FRMD4A: variants seen among roughly 807,000 people sequenced by gnomAD.
FRMD4A encodes FERM domain containing 4A.
A neutral mutation model predicts 129.1 loss-of-function variants in FRMD4A; 29 were observed. The ratio of observed to expected loss-of-function variants is 0.22; its 90% CI spans 0.17 to 0.31. The LOEUF (loss-of-function observed/expected upper bound fraction) is 0.31, where lower values mean the gene tolerates loss of function less well. Ranked by LOEUF, FRMD4A falls within the 10% of genes least tolerant of loss-of-function variation. FRMD4A has a pLI of 1.00. For missense variants in FRMD4A, 1,272 were observed against 1,375.8 expected, an observed-to-expected ratio of 0.92 and a Z score of 1.19; for synonymous variants, 634 against 571.6, an observed-to-expected ratio of 1.11 and a Z score of -1.56.
chr10:14,171,092 A>T (rs1371346357), intron 2 of FRMD4A, among the ~76,000 whole-genome samples: 1 of 151,542 alleles, frequency 6.6e-6, no homozygotes, highest in Non-Finnish European at 1.5e-5. Flanking sequence ...AGATGGAATT[A>T]TGAAGTTTGG....
chr10:13,760,893 C>A (rs143063499), intron 8 of FRMD4A, among the ~76,000 whole-genome samples: 1 of 143,470 alleles, frequency 7.0e-6, no homozygotes, highest in East Asian at 2.2e-4. Context: ...TTCAGAGGAG[C>A]TTGATCAAAC....
At chr10:14,321,912 A>G (rs1843072589) in intron 2 of FRMD4A, among the ~76,000 whole-genome samples, 1 of 152,050 alleles carries the variant, frequency 6.6e-6, no homozygotes, top group African/African-American at 2.4e-5. Flanking sequence ...GTGAGTTCTC[A>G]TGAGAGCTGG....
At chr10:14,198,469 A>T (rs2131935547) in intron 2 of FRMD4A, among the ~76,000 whole-genome samples, 1 of 152,314 alleles carries the variant, frequency 6.6e-6, no homozygotes, top group East Asian at 1.9e-4. Context: ...GGAAGTGTCC[A>T]GGGGGCCAGG....
intron 2 of FRMD4A, among the ~76,000 whole-genome samples, chr10:13,909,525 A>G (rs936440743): frequency 1.3e-5 from 2 of 152,224 alleles, no homozygotes; most frequent in African/African-American, 4.8e-5. Flanking sequence ...ATAACCACAA[A>G]TGAATTCAAA....
chr10:14,083,199 T>C (rs1836032995), intron 2 of FRMD4A: 1 of 152,210 alleles, frequency 6.6e-6, no homozygotes, highest in Non-Finnish European at 1.5e-5. Context: ...AAGGCCATTG[T>C]AGTGACATTT....
chr10:13,944,263 G>A (rs548306743), intron 2 of FRMD4A, among the ~76,000 whole-genome samples: 2 of 151,612 alleles, frequency 1.3e-5, no homozygotes, highest in Non-Finnish European at 2.9e-5. Flanking sequence ...CAGATTAGCA[G>A]TGGCATTAGA....
At chr10:13,780,380 G>A (rs79364567) in intron 6 of FRMD4A, among the ~76,000 whole-genome samples, 2,862 of 151,778 alleles carry the variant, frequency 0.019, 108 homozygotes, top group South Asian at 0.12. Context: ...GTGATATTCC[G>A]CAAGTCCATC....
At chr10:14,310,591 G>A (rs1045146999) in intron 2 of FRMD4A, among the ~76,000 whole-genome samples, 6 of 152,124 alleles carry the variant, frequency 3.9e-5, no homozygotes, top group African/African-American at 7.2e-5. Flanking sequence ...TTGTCACCAC[G>A]TGTACAGTAA....
intron 3 of FRMD4A, among the ~76,000 whole-genome samples, chr10:13,812,530 T>C (rs2093466852): frequency 6.6e-6 from 1 of 152,274 alleles, no homozygotes; most frequent in Non-Finnish European, 1.5e-5. Context: ...GCCCACATGC[T>C]GTAGGAGACA....
At chr10:14,239,544 T>G (rs7900646) in intron 2 of FRMD4A, among the ~76,000 whole-genome samples, 149,415 of 152,264 alleles carry the variant, frequency 0.98, 73,326 homozygotes, top group East Asian at 1. Flanking sequence ...GGAGACTAGG[T>G]TGAACCCGGG....
intron 2 of FRMD4A, among the ~76,000 whole-genome samples, chr10:14,214,568 C>T (rs938639971): frequency 6.6e-6 from 1 of 152,154 alleles, no homozygotes; most frequent in Non-Finnish European, 1.5e-5. Context: ...TCTTGTACAG[C>T]ATTTTTATTT....
Position 13,656,318 on chromosome 10 carries a change from A to G in FRMD4A, c.2953+318T>C, listed in dbSNP as rs181703654. ...CACCTTTGGTTGGATAAACCCAGAGACATTACTTTTACTTTACCTAACTAA... is the reference window on the plus strand; with the variant it reads ...CACCTTTGGTTGGATAAACCCAGAGGCATTACTTTTACTTTACCTAACTAA... On this transcript the variant is annotated intron_variant, in intron 22 of 24. Coordinates refer to ENST00000357447, the MANE Select transcript of FRMD4A (RefSeq NM_018027.5). Among the ~76,000 whole-genome samples the G allele has an allele frequency of 4.4e-4, 67 of 152,286 alleles. No homozygotes were observed. In the South Asian group the frequency reaches 0.011, roughly 25 times the overall value.
At position 13,666,083 on chromosome 10, in the gene FRMD4A, C is replaced by T. The variant is rs780645313; in HGVS notation, c.1603+14G>A. On this transcript the variant is annotated intron_variant, in intron 18 of 24. Transcript: ENST00000357447. ...GCGTGGGAGTGGGGTGGGGGCAGCCCGGTTGGCACTGACCGTCTATGATCA... is the reference window on the plus strand; with the variant it reads ...GCGTGGGAGTGGGGTGGGGGCAGCCTGGTTGGCACTGACCGTCTATGATCA... 29 of 1,537,500 alleles carry T rather than the reference C, an allele frequency of 1.9e-5. No individual in the cohort carries two copies. Among genetic ancestry groups the T allele is most frequent in the East Asian group, 1.6e-4 (7 of 44,544 alleles).
chr10:13,951,409 G>T (rs1326504539), intron 2 of FRMD4A, among the ~76,000 whole-genome samples: 1 of 152,056 alleles, frequency 6.6e-6, no homozygotes, highest in Non-Finnish European at 1.5e-5. Flanking sequence ...AAGTTTGAAT[G>T]CAGACTCAAA....
At chr10:14,131,563 C>T (rs2131828827) in intron 2 of FRMD4A, among the ~76,000 whole-genome samples, 1 of 152,276 alleles carries the variant, frequency 6.6e-6, no homozygotes, top group South Asian at 2.1e-4. Flanking sequence ...GTGCCTGTGG[C>T]TCCATGATGT....
At chr10:14,305,720 T>C (rs185381191) in intron 2 of FRMD4A, among the ~76,000 whole-genome samples, 71 of 152,110 alleles carry the variant, frequency 4.7e-4, no homozygotes, top group African/African-American at 1.7e-3. Context: ...AGACATGAAA[T>C]CAACCTAAAT....
intron 2 of FRMD4A, among the ~76,000 whole-genome samples, chr10:13,931,775 T>TAAA (rs59824238): frequency 0.2 from 25,822 of 128,908 alleles, 2,995 homozygotes; most frequent in Non-Finnish European, 0.26. Context: ...TCATCTTTAC[T>TAAA]AAAAAAAAAA....
At chr10:13,969,507 T>TA (rs977910323) in intron 2 of FRMD4A, among the ~76,000 whole-genome samples, 2 of 152,156 alleles carry the variant, frequency 1.3e-5, no homozygotes, top group African/African-American at 2.4e-5. Flanking sequence ...ATGGAAATCC[T>TA]AAAAAATGGC....
intron 2 of FRMD4A, among the ~76,000 whole-genome samples, chr10:14,189,038 T>C (rs1272712410): frequency 6.6e-6 from 1 of 152,220 alleles, no homozygotes; most frequent in Non-Finnish European, 1.5e-5. Flanking sequence ...TGCTGTTATC[T>C]TTTAACCCTG....
Sources: allele counts gnomAD v4.1 joint callset (sites outside exome capture counted in the v4.1 genomes callset), GRCh38; gene constraint gnomAD v4.1.1; transcripts MANE v1.5; gene names NCBI Gene and HGNC (gene_info 2026-07-23, HGNC 2026-07-21).